Variants in MGLL observed in about 807,000 individuals in gnomAD.
The protein encoded by MGLL is lysophospholipase homolog.
A neutral mutation model predicts 29.1 loss-of-function variants in MGLL; 7 were observed. The ratio of observed to expected loss-of-function variants is 0.24; its 90% CI spans 0.14 to 0.45. The LOEUF (loss-of-function observed/expected upper bound fraction) is 0.45. Ranked by LOEUF, MGLL falls within the 20% of genes least tolerant of loss-of-function variation. The pLI is 0.99. For synonymous variants in MGLL, 148 were observed against 168.3 expected, an observed-to-expected ratio of 0.88 and a Z score of 0.93; for missense variants, 356 against 413.6, an observed-to-expected ratio of 0.86 and a Z score of 1.21.
chr3:127,766,159 C>G (rs1368694146), intron 3 of MGLL, among the ~76,000 whole-genome samples: 1 of 152,116 alleles, frequency 6.6e-6, no homozygotes, highest in Non-Finnish European at 1.5e-5. Context: ...GGCCCTCTCT[C>G]CCTCTCCCAT....
At chr3:127,745,917 C>T (rs545982166) in intron 3 of MGLL, among the ~76,000 whole-genome samples, 40 of 152,250 alleles carry the variant, frequency 2.6e-4, no homozygotes, top group African/African-American at 8.9e-4. Context: ...ACGGACTGAC[C>T]CTTCACAAGA....
chr3:127,709,999 C>G (rs998234196), intron 6 of MGLL, among the ~76,000 whole-genome samples: 1 of 152,234 alleles, frequency 6.6e-6, no homozygotes, highest in African/African-American at 2.4e-5. Flanking sequence ...GATACTACCC[C>G]CCTTTCCTGG....
At chr3:127,784,839 TA>T (rs1031706086) in intron 2 of MGLL, among the ~76,000 whole-genome samples, 4 of 152,188 alleles carry the variant, frequency 2.6e-5, no homozygotes, top group Non-Finnish European at 5.9e-5. Context: ...GGGTGTTTGG[TA>T]AATCTGTCCA....
In MGLL at chr3:127,759,308, C is replaced by T. The variant is rs111620653; in HGVS notation, c.262+22481G>A. ...CCAGCAACTGAGACACAGAGTCAGG[C>T]GGCTCTCAACCCTTCTCTCTGCTAT... On this transcript the variant is annotated intron_variant, in intron 3 of 7. Transcript: ENST00000265052. Among the ~76,000 whole-genome samples, 910 of 152,292 alleles carry T rather than the reference C, an allele frequency of 6.0e-3. 5 individuals are homozygous for T. The highest frequency in any genetic ancestry group is 0.03 in the South Asian group (144 of 4,832).
rs889934609 is a variant in MGLL, at chr3:127,689,109, T to C, written c.*3089A>G. 3 of 152,242 alleles carry C rather than the reference T, an allele frequency of 2.0e-5. No individual in the cohort carries two copies. Among genetic ancestry groups the C allele is most frequent in the African/African-American group, 7.2e-5 (3 of 41,448 alleles). 9.4% of individuals were successfully genotyped at this position (152,242 alleles called of 1,614,324 possible). On this transcript the variant is annotated 3_prime_UTR_variant, in exon 8 of 8. Coordinates refer to ENST00000265052, the MANE Select transcript of MGLL (RefSeq NM_007283.7). ...TATTAGGATTAGCTGTAGTGTACACTGATTCCTTTAGCTCTAAATGGATAC... is the reference window on the plus strand; with the variant it reads ...TATTAGGATTAGCTGTAGTGTACACCGATTCCTTTAGCTCTAAATGGATAC...
At chr3:127,803,682 G>A (rs1318959774) in intron 2 of MGLL, among the ~76,000 whole-genome samples, 2 of 152,184 alleles carry the variant, frequency 1.3e-5, no homozygotes, top group Admixed American at 1.3e-4. Context: ...AGTGTGCAGA[G>A]CATGAGTCTC....
intron 7 of MGLL, among the ~76,000 whole-genome samples, chr3:127,693,947 G>T (rs2075296565): frequency 1.3e-5 from 2 of 152,318 alleles, no homozygotes; most frequent in African/African-American, 4.8e-5. Context: ...ATGCTCTCAT[G>T]GATGAATGCA....
At chr3:127,723,767 G>A (rs1319430547) in intron 3 of MGLL, among the ~76,000 whole-genome samples, 2 of 152,162 alleles carry the variant, frequency 1.3e-5, no homozygotes, top group African/African-American at 2.4e-5. Context: ...GTGCAACCCT[G>A]TACTTTTTCA....
intron 3 of MGLL, among the ~76,000 whole-genome samples, chr3:127,726,431 A>AT (rs1211531067): frequency 6.6e-6 from 1 of 151,170 alleles, no homozygotes; most frequent in African/African-American, 2.4e-5. Context: ...AAGGTTTTTT[A>AT]TTTTTTTTTA....
intron 3 of MGLL, among the ~76,000 whole-genome samples, chr3:127,757,539 C>G (rs375540969): frequency 1.1e-4 from 17 of 152,272 alleles, no homozygotes; most frequent in South Asian, 1.0e-3. Flanking sequence ...AGCTCTGGAA[C>G]TCTCCGCTTT....
Position 127,695,094 on chromosome 3 carries a change from C to A in MGLL, c.697G>T (p.Ala233Ser). 1.2e-6 allele frequency: 2 copies of A among 1,614,132 alleles called. No homozygotes were observed. Among genetic ancestry groups the A allele is most frequent in the African/African-American group, 2.7e-5 (2 of 75,040 alleles). The change falls in exon 7 of 8, where the codon GCC becomes TCC. Residue 233 changes from alanine to serine, a missense_variant. Physicochemically the swap from Ala to Ser is moderately conservative, Grantham distance 99 (BLOSUM62 1). Transcript: ENST00000265052. ...LLNAVSRVER[A>S]LPKLTVPFLL... is the part of the protein sequence containing the mutation. ...AAGGGCACAGTCAGCTTGGGGAGGG[C>A]GCGCTCCACCCGTGAGACGGCATTC...
chr3:127,820,685 A>T (rs1559991767), intron 2 of MGLL, among the ~76,000 whole-genome samples: 1 of 152,208 alleles, frequency 6.6e-6, no homozygotes, highest in Non-Finnish European at 1.5e-5. Flanking sequence ...GCACGTACAG[A>T]CACATTCTTT....
At chr3:127,729,413 T>A in intron 3 of MGLL, among the ~76,000 whole-genome samples, 1 of 152,214 alleles carries the variant, frequency 6.6e-6, no homozygotes, top group Non-Finnish European at 1.5e-5. Context: ...CATTCGAATC[T>A]TTGACCCATT....
At chr3:127,767,945 AT>A in intron 3 of MGLL, among the ~76,000 whole-genome samples, 1 of 152,242 alleles carries the variant, frequency 6.6e-6, no homozygotes, top group Admixed American at 6.5e-5. Context: ...AGAAATTTCA[AT>A]ACCTTCGTTT....
chr3:127,779,985 C>A (rs2077095377), intron 3 of MGLL, among the ~76,000 whole-genome samples: 1 of 152,182 alleles, frequency 6.6e-6, no homozygotes, highest in Admixed American at 6.5e-5. Flanking sequence ...TAGGCACTTG[C>A]CAGAGAGATT....
chr3:127,696,793 C>T (rs1286645830), intron 6 of MGLL, among the ~76,000 whole-genome samples: 1 of 152,012 alleles, frequency 6.6e-6, no homozygotes. Context: ...GTGGTGAGGA[C>T]TGGGTGAGGG....
intron 6 of MGLL, among the ~76,000 whole-genome samples, chr3:127,703,402 G>A (rs1253514129): frequency 2.0e-5 from 3 of 152,214 alleles, no homozygotes; most frequent in Non-Finnish European, 1.5e-5. Flanking sequence ...GTCTTAAATG[G>A]TGACAACTGT....
chr3:127,719,107 A>G (rs748165757), intron 5 of MGLL, among the ~76,000 whole-genome samples: 18 of 152,196 alleles, frequency 1.2e-4, no homozygotes, highest in Non-Finnish European at 5.9e-5. Flanking sequence ...CTGGCTCCGA[A>G]TGTCACAAGG....
intron 2 of MGLL, among the ~76,000 whole-genome samples, chr3:127,793,760 C>T (rs2107726691): frequency 6.6e-6 from 1 of 152,212 alleles, no homozygotes; most frequent in East Asian, 1.9e-4. Flanking sequence ...CGGGGTTTCA[C>T]CATGTTGGCC....
Sources: allele counts gnomAD v4.1 joint callset (sites outside exome capture counted in the v4.1 genomes callset), GRCh38; gene constraint gnomAD v4.1.1; transcripts MANE v1.5; gene names NCBI Gene and HGNC (gene_info 2026-07-23, HGNC 2026-07-21).